PTPRC: variants seen among roughly 807,000 people sequenced by gnomAD.
PTPRC encodes protein tyrosine phosphatase receptor type C.
PTPRC carries 44 observed loss-of-function variants against 155.9 expected under a neutral mutation model. That is an observed-to-expected ratio of 0.28 (90% CI 0.22 to 0.36). The LOEUF (loss-of-function observed/expected upper bound fraction) is 0.36, where lower values mean the gene tolerates loss of function less well. Ranked by LOEUF, PTPRC falls within the 10% of genes least tolerant of loss-of-function variation. The pLI is 1.00. For synonymous variants in PTPRC, 525 were observed against 533.1 expected (o/e 0.98, Z 0.21); for missense variants, 1,401 against 1,564.6 (o/e 0.90, Z 1.76).
At chr1:198,755,196 G>T (rs569982899) in intron 32 of PTPRC, among the ~76,000 whole-genome samples, 1 of 152,216 alleles carries the variant, frequency 6.6e-6, no homozygotes, top group Non-Finnish European at 1.5e-5. Flanking sequence ...ACATTGCAAA[G>T]AAATGTGGAT....
rs759505457 is a variant in PTPRC at position 198,696,892 on chromosome 1, G to A, written c.281G>A (p.Ser94Asn). ...TCCCCGGACTCTTTGGATAATGCTAGTGCTTTTAATACCACAGGTTGGCAC... is the reference window on the plus strand; with the variant it reads ...TCCCCGGACTCTTTGGATAATGCTAATGCTTTTAATACCACAGGTTGGCAC... ...QVSPDSLDNA[S>N]AFNTTGVSSV... Residue 94 changes from serine to asparagine, a missense_variant, in exon 4 of 33, where the codon AGT becomes AAT. This residue lies in a region of PTPRC where 867 missense variants were observed against 970.4 expected (regional missense o/e 0.89). Coordinates refer to ENST00000442510, the MANE Select transcript of PTPRC (RefSeq NM_002838.5). The A allele has an allele frequency of 3.1e-6, 5 of 1,613,626 alleles. No individual in the cohort carries two copies. The Admixed American group carries it at 6.7e-5, about 22-fold the overall frequency.
At chr1:198,743,937 T>G (rs1362788799) in intron 25 of PTPRC, 117 bp from the exon 26 acceptor site, 1 of 983,800 alleles carries the variant, frequency 1.0e-6, no homozygotes, top group Non-Finnish European at 1.6e-6. Flanking sequence ...TCAATTTACT[T>G]TGCCATGAAT....
At chr1:198,689,121 G>A (rs1292194429) in intron 2 of PTPRC, among the ~76,000 whole-genome samples, 1 of 152,042 alleles carries the variant, frequency 6.6e-6, no homozygotes, top group Non-Finnish European at 1.5e-5. Context: ...CTCCGTTTTG[G>A]TAATTTACCT....
intron 9 of PTPRC, among the ~76,000 whole-genome samples, chr1:198,707,834 TAA>T (rs1409019130): frequency 6.6e-6 from 1 of 152,216 alleles, no homozygotes; most frequent in Non-Finnish European, 1.5e-5. Context: ...GAGTGTTTTT[TAA>T]AATGTGCGAA....
chr1:198,694,698 T>C, intron 3 of PTPRC: 1 of 976,674 alleles, frequency 1.0e-6, no homozygotes, highest in Non-Finnish European at 1.2e-6. Flanking sequence ...ATAGAAAGAA[T>C]TCTAAACTCT....
intron 23 of PTPRC, among the ~76,000 whole-genome samples, chr1:198,739,429 A>ATACT (rs766713410): frequency 2.0e-5 from 3 of 150,848 alleles, no homozygotes; most frequent in Non-Finnish European, 4.4e-5. Flanking sequence ...AGGAGTACCT[A>ATACT]TACTTATATA....
In PTPRC at chr1:198,639,128, A is replaced by G. The variant is rs922832865; in HGVS notation, c.-53A>G. The stretch of plus-strand genomic sequence containing the variant: ...AAATTGTTCCTCGTCTGATAAGACA[A>G]CAGTGGAGAGTATGCATTTATTTAT... On this transcript the variant is annotated 5_prime_UTR_variant, in exon 1 of 33. Transcript: ENST00000442510. The G allele has an allele frequency of 4.1e-6, 3 of 729,620 alleles. No individual in the cohort carries two copies. The highest frequency in any genetic ancestry group is 4.9e-6 in the Non-Finnish European group (2 of 406,648). The allele number at this position is 729,620 out of a possible 1,614,324, so 45.2% of individuals were successfully genotyped here. A position where few individuals can be genotyped will look rare whatever the true frequency, so the allele number is the denominator to read the frequency against.
intron 26 of PTPRC, among the ~76,000 whole-genome samples, chr1:198,746,347 G>A (rs1195281089): frequency 1.3e-5 from 2 of 151,856 alleles, no homozygotes; most frequent in Non-Finnish European, 2.9e-5. Flanking sequence ...AGGAGAACAC[G>A]TATCTTTTCT....
chr1:198,667,731 C>G (rs1466278017), intron 2 of PTPRC, among the ~76,000 whole-genome samples: 1 of 152,184 alleles, frequency 6.6e-6, no homozygotes, highest in African/African-American at 2.4e-5. Flanking sequence ...TACACATATA[C>G]AAACTGTCAA....
At chr1:198,686,948 A>G (rs1407533093) in intron 2 of PTPRC, among the ~76,000 whole-genome samples, 1 of 152,214 alleles carries the variant, frequency 6.6e-6, no homozygotes, top group Non-Finnish European at 1.5e-5. Context: ...ACTCCAGTCT[A>G]AATGGATAGG....
In PTPRC at chr1:198,756,413, ACTT is replaced by A. The variant is rs1171344474; in HGVS notation, c.*236_*238del. ...TTTATCTCTTATTCAGTAAAAAACA[ACTT>A]CTTTGTAATCGTTATGTGTGTATAT... On this transcript the variant is annotated 3_prime_UTR_variant, in exon 33 of 33. Coordinates refer to ENST00000442510, the MANE Select transcript of PTPRC (RefSeq NM_002838.5). 3 of 562,964 alleles carry A rather than the reference ACTT, an allele frequency of 5.3e-6. No homozygotes were observed. The highest frequency in any genetic ancestry group is 1.9e-5 in the African/African-American group (1 of 52,902). 34.9% of individuals were successfully genotyped at this position (562,964 alleles called of 1,614,324 possible). A position where few individuals can be genotyped will look rare whatever the true frequency, so the allele number is the denominator to read the frequency against.
intron 32 of PTPRC, 145 bp from the exon 33 acceptor site, chr1:198,755,761 G>GTTT (rs1348041624): frequency 1.1e-6 from 1 of 888,650 alleles, no homozygotes; most frequent in Non-Finnish European, 1.8e-6. Flanking sequence ...TTATTTAGAT[G>GTTT]TTTTTATGAG....
In PTPRC at chr1:198,643,536, TTTTG is replaced by T. The variant is rs771775981; in HGVS notation, c.73+4215_73+4218del. ...GATGTTTACAGTCTTGCCTTTTTGT[TTTTG>T]TTTGTTTGTTTGTTTGTTTTTTCTT... On this transcript the variant is annotated intron_variant, in intron 2 of 32. Transcript: ENST00000442510. 1.6e-3 allele frequency among the ~76,000 whole-genome samples: 243 copies of T among 151,900 alleles called. 1 individual carries two copies. The highest frequency in any genetic ancestry group is 4.9e-3 in the East Asian group (25 of 5,152).
intron 2 of PTPRC, among the ~76,000 whole-genome samples, chr1:198,690,106 A>G (rs1050584969): frequency 2.6e-5 from 4 of 152,320 alleles, no homozygotes; most frequent in African/African-American, 7.2e-5. Flanking sequence ...GAGCTCATGT[A>G]TTTCTCAGAT....
At chr1:198,746,402 T>C (rs1655134759) in intron 26 of PTPRC, among the ~76,000 whole-genome samples, 1 of 151,742 alleles carries the variant, frequency 6.6e-6, no homozygotes, top group African/African-American at 2.4e-5. Context: ...AGTCAACTTT[T>C]TCTTAAAAGG....
At chr1:198,651,981 C>A (rs565464826) in intron 2 of PTPRC, among the ~76,000 whole-genome samples, 1 of 151,790 alleles carries the variant, frequency 6.6e-6, no homozygotes, top group South Asian at 2.1e-4. Context: ...AATGTACAAT[C>A]CTTGGTCACT....
chr1:198,666,547 A>G (rs994784665), intron 2 of PTPRC, among the ~76,000 whole-genome samples: 6 of 152,218 alleles, frequency 3.9e-5, no homozygotes, highest in South Asian at 2.1e-4. Context: ...TAATCTATTA[A>G]CTGAGCTTAA....
chr1:198,735,226 A>G lies in PTPRC; in HGVS notation c.2377A>G (p.Ile793Val). The G allele has an allele frequency of 6.2e-7, 1 of 1,602,524 alleles. No individual in the cohort carries two copies. The highest frequency in any genetic ancestry group is 8.5e-7 in the Non-Finnish European group (1 of 1,173,202). ...INQHKRCPDY[I>V]IQKLNIVNKK... Reference sequence around the variant, plus strand: ...CCAGCACAAAAGATGTCCAGATTACATCATTCAGAAATTGAACATTGTAAA... The same window carrying G: ...CCAGCACAAAAGATGTCCAGATTACGTCATTCAGAAATTGAACATTGTAAA... Residue 793 changes from isoleucine to valine, a missense_variant, in exon 23 of 33, where the codon ATC becomes GTC. Physicochemically the swap from Ile to Val is conservative, Grantham distance 29 (BLOSUM62 3). This residue lies in a region of PTPRC where 867 missense variants were observed against 970.4 expected (regional missense o/e 0.89). Transcript: ENST00000442510.
At position 198,754,401 on chromosome 1, in the gene PTPRC, A is replaced by T. The variant is rs1655529377; in HGVS notation, c.3642A>T (p.Thr1214=). 2 of 1,613,312 alleles carry T rather than the reference A, an allele frequency of 1.2e-6. No homozygotes were observed. Residue 1214 remains threonine, a synonymous_variant, in exon 32 of 33, where the codon ACA becomes ACT. Transcript: ENST00000442510. ...AAGCTAGGCCAGGCATGGTTTCCAC[A>T]TTCGTAAGTATCCTTCACCATTGCT... ...LRKARPGMVS[T]FEQYQFLYDV... is the part of the protein sequence containing the mutation.
Sources: gnomAD v4.1 joint callset for allele counts (sites outside exome capture counted in the v4.1 genomes callset) on GRCh38, gnomAD v4.1.1 for gene constraint, gnomAD v4.1.1 regional missense constraint, MANE v1.5 for transcripts, NCBI Gene and HGNC (gene_info 2026-07-23, HGNC 2026-07-21) for gene names.